The following DACH1 variants were observed in gnomAD, a reference collection of about 807,000 sequenced individuals.
DACH1 encodes dachshund homolog 1.
Under a neutral mutation model 54.2 loss-of-function variants are expected in DACH1, and 12 were observed. That is an observed-to-expected ratio of 0.22 (90% confidence interval 0.14 to 0.36). The LOEUF (loss-of-function observed/expected upper bound fraction) is 0.36. DACH1 is among the 10% of genes least tolerant of loss of function. The pLI is 1.00. For missense variants in DACH1, 805 were observed against 929.8 expected (o/e 0.87, Z 1.75); for synonymous variants, 386 against 366.2 (o/e 1.05, Z -0.62).
intron 3 of DACH1, among the ~76,000 whole-genome samples, chr13:71,626,621 C>T (rs1251192036): frequency 2.0e-5 from 3 of 151,910 alleles, no homozygotes; most frequent in African/African-American, 4.8e-5. Context: ...TCATATCAGC[C>T]AACCTGTCAC....
At chr13:71,490,143 A>G (rs1468634006) in intron 6 of DACH1, among the ~76,000 whole-genome samples, 2 of 152,192 alleles carry the variant, frequency 1.3e-5, no homozygotes, top group Non-Finnish European at 2.9e-5. Context: ...TAATCAGAGC[A>G]ATGTATTTGC....
rs185650073 is a variant in DACH1 at position 71,549,883 on chromosome 13, C to T, written c.1570+7141G>A. ...TTACACAGCCACACACATGTTTCTC[C>T]TCAAAATATTTATTGAATGAATTCT... On this transcript the variant is annotated intron_variant, in intron 6 of 10. Transcript: ENST00000613252. Among the ~76,000 whole-genome samples, 483 of 152,146 alleles carry T rather than the reference C, an allele frequency of 3.2e-3. 6 individuals carry two copies. Among genetic ancestry groups the T allele is most frequent in the African/African-American group, 0.01 (424 of 41,526 alleles).
rs1268848966 is a variant in DACH1 at position 71,711,030 on chromosome 13, A to G, written c.849-29120T>C. 2.6e-5 allele frequency among the ~76,000 whole-genome samples: 4 copies of G among 152,272 alleles called. No homozygotes were observed. In the South Asian group the frequency reaches 8.3e-4, roughly 32 times the overall value. Reference sequence around the variant, plus strand: ...AGTAAATAATTATGTCTCTTTATTGATGGAAGAAATGGTTCTAAGTAGAAA... The same window carrying G: ...AGTAAATAATTATGTCTCTTTATTGGTGGAAGAAATGGTTCTAAGTAGAAA... On this transcript the variant is annotated intron_variant, in intron 1 of 10. Coordinates refer to ENST00000613252, the MANE Select transcript of DACH1 (RefSeq NM_080759.6).
At chr13:71,840,917 A>C (rs1192679869) in intron 1 of DACH1, among the ~76,000 whole-genome samples, 4 of 152,162 alleles carry the variant, frequency 2.6e-5, no homozygotes, top group African/African-American at 9.7e-5. Context: ...AACATGTACA[A>C]AGTTGAGATG....
intron 1 of DACH1, among the ~76,000 whole-genome samples, chr13:71,689,986 CT>C (rs1881391894): frequency 6.6e-6 from 1 of 152,034 alleles, no homozygotes; most frequent in African/African-American, 2.4e-5. Flanking sequence ...TTATATTAAA[CT>C]TAGTTTAAGA....
At chr13:71,664,665 G>A (rs1252347243) in intron 2 of DACH1, among the ~76,000 whole-genome samples, 1 of 151,886 alleles carries the variant, frequency 6.6e-6, no homozygotes, top group Non-Finnish European at 1.5e-5. Context: ...GGATATTTTG[G>A]TACATATTCC....
At chr13:71,652,662 A>G (rs1878766254) in intron 2 of DACH1, among the ~76,000 whole-genome samples, 1 of 152,094 alleles carries the variant, frequency 6.6e-6, no homozygotes, top group South Asian at 2.1e-4. Flanking sequence ...AGCAGAGTTG[A>G]TTATGTCTTC....
At chr13:71,576,389 T>G (rs1020483204) in intron 3 of DACH1, among the ~76,000 whole-genome samples, 1 of 152,118 alleles carries the variant, frequency 6.6e-6, no homozygotes, top group Admixed American at 6.6e-5. Flanking sequence ...GGAGGTCCTC[T>G]CCCCGCTTAG....
At chr13:71,503,784 A>G (rs1053850800) in intron 6 of DACH1, among the ~76,000 whole-genome samples, 7 of 152,210 alleles carry the variant, frequency 4.6e-5, no homozygotes, top group African/African-American at 1.7e-4. Flanking sequence ...TTTCTTAGAA[A>G]TTGACAGAAG....
intron 1 of DACH1, among the ~76,000 whole-genome samples, chr13:71,801,462 T>C (rs1345389268): frequency 6.6e-6 from 1 of 152,102 alleles, no homozygotes; most frequent in Non-Finnish European, 1.5e-5. Context: ...TTCATGTAAG[T>C]CAGTTCTATC....
At chr13:71,689,186 AG>A (rs2138718904) in intron 1 of DACH1, among the ~76,000 whole-genome samples, 2 of 152,332 alleles carry the variant, frequency 1.3e-5, no homozygotes, top group South Asian at 4.1e-4. Flanking sequence ...TATATGTCAT[AG>A]GGCACATGAG....
intron 3 of DACH1, among the ~76,000 whole-genome samples, chr13:71,602,152 T>C (rs1874539941): frequency 6.6e-6 from 1 of 152,014 alleles, no homozygotes; most frequent in African/African-American, 2.4e-5. Context: ...AAATATGTTT[T>C]ACATTCTGGA....
intron 1 of DACH1, among the ~76,000 whole-genome samples, chr13:71,790,443 A>G (rs1307347609): frequency 6.6e-6 from 1 of 152,144 alleles, no homozygotes; most frequent in Non-Finnish European, 1.5e-5. Flanking sequence ...TCTTTTGATG[A>G]CTTGACTTAG....
At chr13:71,624,701 A>AT in intron 3 of DACH1, among the ~76,000 whole-genome samples, 1 of 151,980 alleles carries the variant, frequency 6.6e-6, no homozygotes, top group East Asian at 1.9e-4. Context: ...AACTGGAGAC[A>AT]TTTTTAGAGC....
At chr13:71,666,091 C>G (rs1879815623) in intron 2 of DACH1, among the ~76,000 whole-genome samples, 1 of 152,024 alleles carries the variant, frequency 6.6e-6, no homozygotes, top group Non-Finnish European at 1.5e-5. Flanking sequence ...AATTTAACAA[C>G]ATTTTGGCCA....
chr13:71,663,353 T>C (rs1331160317), intron 2 of DACH1, among the ~76,000 whole-genome samples: 3 of 151,940 alleles, frequency 2.0e-5, no homozygotes, highest in Non-Finnish European at 2.9e-5. Context: ...ATTTTAAATG[T>C]TTTAAATAAA....
chr13:71,520,377 C>T (rs558306913), intron 6 of DACH1, among the ~76,000 whole-genome samples: 6 of 151,654 alleles, frequency 4.0e-5, no homozygotes, highest in African/African-American at 1.4e-4. Context: ...TTAGACTATC[C>T]AGATTAAATA....
chr13:71,588,219 T>G (rs988624185), intron 3 of DACH1, among the ~76,000 whole-genome samples: 1 of 152,072 alleles, frequency 6.6e-6, no homozygotes, highest in Non-Finnish European at 1.5e-5. Context: ...TACTGCAGCT[T>G]TATCACAGGA....
At chr13:71,470,149 T>A (rs114919365) in intron 10 of DACH1, among the ~76,000 whole-genome samples, 368 of 152,280 alleles carry the variant, frequency 2.4e-3, no homozygotes, top group African/African-American at 8.5e-3. Context: ...GAAATATCAA[T>A]TTAAAATGGA....
Sources: gnomAD v4.1 joint callset for allele counts (sites outside exome capture counted in the v4.1 genomes callset) on GRCh38, gnomAD v4.1.1 for gene constraint, MANE v1.5 for transcripts, NCBI Gene and HGNC (gene_info 2026-07-23, HGNC 2026-07-21) for gene names.